The following NEIL3 variants were observed in gnomAD, a reference collection of about 807,000 sequenced individuals.
NEIL3 encodes endonuclease 8-like 3.
A neutral mutation model predicts 57.5 loss-of-function variants in NEIL3; 48 were observed. The observed-to-expected ratio is 0.83, with a 90% CI of 0.66 to 1.06. NEIL3 has a LOEUF of 1.06. Ranked by LOEUF, NEIL3 falls within the 50% of genes least tolerant of loss-of-function variation. The pLI is 0.00. For missense variants in NEIL3, 717 were observed against 739.1 expected (o/e 0.97, Z 0.35); for synonymous variants, 261 against 253.2 (o/e 1.03, Z -0.29).
At chr4:177,339,890 T>C in intron 5 of NEIL3, 33 bp downstream of exon 5, 1 of 1,466,362 alleles carries the variant, frequency 6.8e-7, no homozygotes, top group Non-Finnish European at 9.6e-7. Context: ...GTGTAAAATG[T>C]AAAATGTCAG....
Position 177,339,784 on chromosome 4 carries a change from T to A in NEIL3, c.629T>A (p.Val210Asp). The change falls in exon 5 of 10, where the codon GTT becomes GAT. Residue 210 changes from valine to aspartate, a missense_variant and splice_region_variant. Transcript: ENST00000264596. ...FDSGLHPAVK[V>D]CQLTDEQIHH... ...CTCTGCTGTTTTTTCCACTTCAAGG[T>A]TTGTCAATTAACAGATGAACAGATC... The A allele has an allele frequency of 6.2e-7, 1 of 1,610,082 alleles. No homozygotes were observed. The highest frequency in any genetic ancestry group is 8.5e-7 in the Non-Finnish European group (1 of 1,176,604).
intron 1 of NEIL3, among the ~76,000 whole-genome samples, chr4:177,317,597 CTTT>C (rs745358876): frequency 4.3e-5 from 3 of 70,070 alleles, no homozygotes; most frequent in South Asian, 5.5e-4. Context: ...ACTTTCTTTT[CTTT>C]TTTTTTTTTT....
downstream of NEIL3, among the ~76,000 whole-genome samples, chr4:177,366,821 T>A (rs1486534953): frequency 6.6e-6 from 1 of 152,222 alleles, no homozygotes; most frequent in Non-Finnish European, 1.5e-5. Context: ...GAGACTCTCT[T>A]CCTTTTTTCC....
chr4:177,365,663 C>T (rs777646933), downstream of NEIL3, among the ~76,000 whole-genome samples: 3 of 152,028 alleles, frequency 2.0e-5, no homozygotes, highest in Admixed American at 6.6e-5. Context: ...ATGTACAGCT[C>T]ACGTTTATTT....
intron 2 of NEIL3, among the ~76,000 whole-genome samples, chr4:177,333,750 G>A (rs2048075): frequency 0.58 from 88,183 of 151,922 alleles, 26,523 homozygotes; most frequent in African/African-American, 0.75. Flanking sequence ...CTTAATGCTA[G>A]CAGGATCTCC....
chr4:177,365,347 C>T (rs1034158702), downstream of NEIL3, among the ~76,000 whole-genome samples: 2 of 152,152 alleles, frequency 1.3e-5, no homozygotes, highest in Non-Finnish European at 2.9e-5. Context: ...GGGTTCCAAC[C>T]ACCTGCAACC....
chr4:177,325,841 G>A (rs1026211468), intron 2 of NEIL3, among the ~76,000 whole-genome samples: 8 of 151,970 alleles, frequency 5.3e-5, no homozygotes, highest in African/African-American at 1.9e-4. Context: ...TTTCCTGTTT[G>A]TGTATTTTAT....
At chr4:177,352,248 C>T (rs1735369760) in intron 7 of NEIL3, among the ~76,000 whole-genome samples, 1 of 152,160 alleles carries the variant, frequency 6.6e-6, no homozygotes, top group Non-Finnish European at 1.5e-5. Context: ...TGTTTTGTTT[C>T]CTGGGCCAGA....
chr4:177,309,973 G>A lies in NEIL3; in HGVS notation c.20G>A (p.Cys7Tyr). Residue 7 changes from cysteine (C) to tyrosine (Y), a missense_variant, in exon 1 of 10, where the codon TGT becomes TAT. By Grantham distance (194) the Cys-to-Tyr change is radical. Transcript: ENST00000264596. ...ACAGAGATGGTGGAAGGACCAGGCT[G>A]TACTCTGAATGGAGAGAAGATTCGC... The part of the protein sequence containing the change: MVEGPG[C>Y]TLNGEKIRAR... The A allele has an allele frequency of 6.2e-7, 1 of 1,610,114 alleles. No individual in the cohort carries two copies. The highest frequency in any genetic ancestry group is 8.5e-7 in the Non-Finnish European group (1 of 1,178,600).
chr4:177,322,987 T>C (rs1286856745), intron 2 of NEIL3, among the ~76,000 whole-genome samples: 1 of 152,188 alleles, frequency 6.6e-6, no homozygotes, highest in East Asian at 1.9e-4. Flanking sequence ...GGCTTCCTGC[T>C]TTCTCTGAAG....
intron 2 of NEIL3, among the ~76,000 whole-genome samples, chr4:177,329,302 G>T (rs572293186): frequency 6.6e-6 from 1 of 152,108 alleles, no homozygotes; most frequent in South Asian, 2.1e-4. Flanking sequence ...CCAATTATTT[G>T]GCAGAAATTA....
intron 2 of NEIL3, among the ~76,000 whole-genome samples, chr4:177,333,721 C>T (rs904319657): frequency 6.6e-6 from 1 of 152,158 alleles, no homozygotes; most frequent in South Asian, 2.1e-4. Context: ...TTCCCATAGA[C>T]AGCTCTCATA....
chr4:177,355,379 A>C (rs1345751373), intron 8 of NEIL3, among the ~76,000 whole-genome samples: 1 of 152,214 alleles, frequency 6.6e-6, no homozygotes, highest in Non-Finnish European at 1.5e-5. Context: ...TAGTCCTTGC[A>C]TATAACCTAT....
rs746254453 is a variant in NEIL3, at chr4:177,360,526, A to G, written c.1484A>G (p.Asp495Gly). Residue 495 changes from aspartate to glycine, a missense_variant, in exon 9 of 10, where the codon GAT (aspartate) becomes GGT (glycine). By Grantham distance (94) the Asp-to-Gly change is moderately conservative. Transcript: ENST00000264596. ...SNSELQINMT[D>G]GPRTLNPDSP... ...AGTGAACTTCAAATTAATATGACAGATGGCCCTCGTACCTTAAATCCTGAC... is the reference window on the plus strand; with the variant it reads ...AGTGAACTTCAAATTAATATGACAGGTGGCCCTCGTACCTTAAATCCTGAC... 4.5e-5 allele frequency: 73 copies of G among 1,613,686 alleles called. No individual in the cohort carries two copies. Among genetic ancestry groups the G allele is most frequent in the South Asian group, 4.1e-4 (37 of 91,000 alleles).
At chr4:177,348,858 A>AT (rs749391559) in intron 6 of NEIL3, among the ~76,000 whole-genome samples, 1,811 of 73,598 alleles carry the variant, frequency 0.025, 352 homozygotes, top group East Asian at 0.066. Flanking sequence ...TGGCTCATGA[A>AT]TTTTTTTTTT....
intron 2 of NEIL3, among the ~76,000 whole-genome samples, chr4:177,326,971 T>TG (rs1309184324): frequency 9.9e-5 from 15 of 152,110 alleles, no homozygotes; most frequent in African/African-American, 2.7e-4. Context: ...TGTCGAGGTG[T>TG]GGGGGGGCAT....
intron 8 of NEIL3, among the ~76,000 whole-genome samples, chr4:177,358,581 A>G (rs1436893361): frequency 1.3e-5 from 2 of 152,180 alleles, no homozygotes; most frequent in Non-Finnish European, 2.9e-5. Context: ...TGCTGGGATT[A>G]CAGGCGTGAG....
chr4:177,321,261 G>T (rs1192294394), intron 1 of NEIL3, among the ~76,000 whole-genome samples: 1 of 152,132 alleles, frequency 6.6e-6, no homozygotes, highest in Non-Finnish European at 1.5e-5. Context: ...ATCTTCTGAG[G>T]ATCCTTAGGC....
At chr4:177,352,256 A>G (rs1232162002) in intron 7 of NEIL3, among the ~76,000 whole-genome samples, 1 of 152,216 alleles carries the variant, frequency 6.6e-6, no homozygotes, top group Non-Finnish European at 1.5e-5. Context: ...TTCCTGGGCC[A>G]GAAAGGCAGA....
Sources: allele counts gnomAD v4.1 joint callset (sites outside exome capture counted in the v4.1 genomes callset), GRCh38; gene constraint gnomAD v4.1.1; transcripts MANE v1.5; gene names NCBI Gene and HGNC (gene_info 2026-07-23, HGNC 2026-07-21).